Variants in EBF1 observed in about 807,000 individuals in gnomAD.
The protein encoded by EBF1 is transcription factor COE1.
EBF1 carries 10 observed loss-of-function variants against 68.4 expected under a neutral mutation model. That is an observed-to-expected ratio of 0.15 (90% confidence interval 0.09 to 0.25). The LOEUF (loss-of-function observed/expected upper bound fraction) is 0.25, where lower values mean the gene tolerates loss of function less well. Among genes scored for constraint, EBF1 ranks in the 10% least tolerant of loss-of-function variants. The pLI, the probability that EBF1 is intolerant of heterozygous loss-of-function variation, is 1.00. For missense variants in EBF1, 509 were observed against 794.4 expected, an observed-to-expected ratio of 0.64 and a Z score of 4.32; for synonymous variants, 298 against 299.8, an observed-to-expected ratio of 0.99 and a Z score of 0.06.
chr5:159,050,520 T>C (rs1457340943), intron 6 of EBF1, among the ~76,000 whole-genome samples: 1 of 152,176 alleles, frequency 6.6e-6, no homozygotes, highest in Non-Finnish European at 1.5e-5. Context: ...TTTAGTGACT[T>C]GGCCTTCAGA....
intron 6 of EBF1, chr5:159,019,162 A>T (rs1204318065): frequency 6.6e-6 from 1 of 152,234 alleles, no homozygotes; most frequent in African/African-American, 2.4e-5. Context: ...TGTTTATTAA[A>T]GTCTACTGGG....
At chr5:158,937,697 G>A (rs1051493207) in intron 6 of EBF1, among the ~76,000 whole-genome samples, 10 of 152,196 alleles carry the variant, frequency 6.6e-5, no homozygotes, top group Admixed American at 1.3e-4. Context: ...AAGCCCCATC[G>A]CTTGAGGTGC....
chr5:159,073,529 C>G, intron 5 of EBF1, 65 bp from the exon 6 acceptor site: 2 of 1,574,912 alleles, frequency 1.3e-6, no homozygotes, highest in South Asian at 1.1e-5. Flanking sequence ...TTTAGGCAGA[C>G]AGAAGGCTCA....
chr5:159,087,411 CATATATACATATATACACACAT>C (rs1780903337), intron 4 of EBF1, among the ~76,000 whole-genome samples: 1 of 140,780 alleles, frequency 7.1e-6, no homozygotes, highest in African/African-American at 2.8e-5. Context: ...TATACACACA[CATATATACATATATACACACAT>C]ATATATACAT....
intron 6 of EBF1, among the ~76,000 whole-genome samples, chr5:159,056,526 C>T (rs945252945): frequency 6.6e-6 from 1 of 152,180 alleles, no homozygotes; most frequent in Non-Finnish European, 1.5e-5. Flanking sequence ...CTCTCAGCAC[C>T]ATACCCATGA....
At chr5:159,087,463 CAT>C (rs1374500172) in intron 4 of EBF1, among the ~76,000 whole-genome samples, 1 of 149,190 alleles carries the variant, frequency 6.7e-6, no homozygotes, top group Non-Finnish European at 1.5e-5. Context: ...CACACACACA[CAT>C]ATATACACAC....
chr5:159,087,451 TACAC>T (rs144132427), intron 4 of EBF1, among the ~76,000 whole-genome samples: 1 of 148,728 alleles, frequency 6.7e-6, no homozygotes, highest in African/African-American at 2.5e-5. Flanking sequence ...CATATATATA[TACAC>T]ACACACACAT....
chr5:158,874,554 T>C (rs773253242), intron 6 of EBF1, among the ~76,000 whole-genome samples: 1 of 152,146 alleles, frequency 6.6e-6, no homozygotes, highest in Non-Finnish European at 1.5e-5. Flanking sequence ...AACTGATCAA[T>C]AGTACAAAAC....
At chr5:159,030,710 A>G (rs1444539348) in intron 6 of EBF1, among the ~76,000 whole-genome samples, 1 of 152,228 alleles carries the variant, frequency 6.6e-6, no homozygotes, top group African/African-American at 2.4e-5. Context: ...ACTCCTGAGC[A>G]CATTAAAGGA....
intron 6 of EBF1, among the ~76,000 whole-genome samples, chr5:158,907,264 C>A (rs1351707107): frequency 6.6e-6 from 1 of 152,202 alleles, no homozygotes; most frequent in Non-Finnish European, 1.5e-5. Context: ...AGCAATACCA[C>A]ATACTCACAG....
At chr5:158,883,367 T>C (rs1195712857) in intron 6 of EBF1, among the ~76,000 whole-genome samples, 1 of 151,044 alleles carries the variant, frequency 6.6e-6, no homozygotes, top group East Asian at 1.9e-4. Flanking sequence ...TATATACACA[T>C]ACATACATGT....
At chr5:159,002,385 A>C (rs1301057141) in intron 6 of EBF1, among the ~76,000 whole-genome samples, 2 of 152,208 alleles carry the variant, frequency 1.3e-5, no homozygotes, top group Admixed American at 1.3e-4. Flanking sequence ...TCACTGAAAA[A>C]GGCAATATGC....
intron 15 of EBF1, among the ~76,000 whole-genome samples, chr5:158,703,731 C>T (rs1367871126): frequency 6.6e-6 from 1 of 152,038 alleles, no homozygotes; most frequent in Admixed American, 6.6e-5. Context: ...TTATCCAGGA[C>T]ATGTCTGTCT....
At chr5:158,777,385 T>C (rs1458675213) in intron 10 of EBF1, 28 bp downstream of exon 10, 1 of 1,591,370 alleles carries the variant, frequency 6.3e-7, no homozygotes, top group East Asian at 2.3e-5. Context: ...ACGGCAGTTC[T>C]GTGCTCACCA....
intron 6 of EBF1, among the ~76,000 whole-genome samples, chr5:159,011,279 C>T (rs1764601430): frequency 6.6e-6 from 1 of 152,192 alleles, no homozygotes; most frequent in Non-Finnish European, 1.5e-5. Context: ...GTCACAGCTC[C>T]GCCAGATGTG....
intron 14 of EBF1, 91 bp from the exon 15 acceptor site, chr5:158,708,264 G>T: frequency 7.8e-7 from 1 of 1,283,072 alleles, no homozygotes; most frequent in Non-Finnish European, 1.1e-6. Context: ...CAGCCACCTT[G>T]CTCTGCCCTG....
At chr5:158,963,286 C>A (rs1355109422) in intron 6 of EBF1, among the ~76,000 whole-genome samples, 5 of 151,646 alleles carry the variant, frequency 3.3e-5, no homozygotes, top group Non-Finnish European at 7.4e-5. Context: ...AGGTTTACCA[C>A]AAAAAAAACA....
chr5:158,981,825 T>A (rs1757956248), intron 6 of EBF1, among the ~76,000 whole-genome samples: 1 of 152,074 alleles, frequency 6.6e-6, no homozygotes, highest in Non-Finnish European at 1.5e-5. Context: ...ATTTTAAATA[T>A]TTCATCAAAA....
At chr5:158,777,671 G>T in intron 9 of EBF1, 132 bp from the exon 10 acceptor site, 1 of 872,034 alleles carries the variant, frequency 1.1e-6, no homozygotes, top group Non-Finnish European at 1.6e-6. Flanking sequence ...AATCTTGATG[G>T]AACCTGCGTG....
Sources: allele counts gnomAD v4.1 joint callset (sites outside exome capture counted in the v4.1 genomes callset), GRCh38; gene constraint gnomAD v4.1.1; transcripts MANE v1.5; gene names NCBI Gene and HGNC (gene_info 2026-07-23, HGNC 2026-07-21).